Variants in CIAO2A observed in about 807,000 individuals in gnomAD.
The protein encoded by CIAO2A is MIP18 family protein FAM96A.
In CIAO2A, 17 loss-of-function variants were observed where a neutral mutation model predicts 22.4. That is an observed-to-expected ratio of 0.76 (90% confidence interval 0.52 to 1.14). The LOEUF (loss-of-function observed/expected upper bound fraction) is 1.14. Ranked by LOEUF, CIAO2A falls within the 50% of genes most tolerant of loss-of-function variation. The pLI, the probability that CIAO2A is intolerant of heterozygous loss-of-function variation, is 0.00. For missense variants in CIAO2A, 192 were observed against 191.4 expected (o/e 1.00, Z -0.02); for synonymous variants, 74 against 72.3 (o/e 1.02, Z -0.12).
Position 64,093,770 on chromosome 15 carries a change from T to C in CIAO2A, c.-2A>G, listed in dbSNP as rs111678513. The stretch of plus-strand genomic sequence containing the variant: ...GAGCAGCCCGGACACCCGCTGCATC[T>C]TCACGCTCAGCCATCCCTGGCGACT... On this transcript the variant is annotated 5_prime_UTR_variant, in exon 1 of 5. Transcript: ENST00000300030. The C allele has an allele frequency of 3.4e-4, 549 of 1,609,758 alleles. No homozygotes were observed. The highest frequency in any genetic ancestry group is 4.2e-4 in the Non-Finnish European group (493 of 1,176,550).
intron 4 of CIAO2A, 79 bp from the exon 5 acceptor site, chr15:64,073,107 G>T: frequency 1.1e-6 from 1 of 923,304 alleles, no homozygotes; most frequent in Non-Finnish European, 1.7e-6. Context: ...TTAGCCTGCT[G>T]AAACAAAAAC....
chr15:64,089,533 G>A lies in CIAO2A; in HGVS notation c.125-682C>T, dbSNP rs556519235. On this transcript the variant is annotated intron_variant, in intron 1 of 4. Transcript: ENST00000300030. ...TCTCAAAAAAAAAAAAAAAGTGAAG[G>A]AAAGTAAAGTAAAGAAGAAGAACCC... Among the ~76,000 whole-genome samples the A allele has an allele frequency of 2.0e-5, 3 of 151,924 alleles. No individual in the cohort carries two copies. In the East Asian group the frequency reaches 5.8e-4, roughly 29 times the overall value.
intron 3 of CIAO2A, 118 bp downstream of exon 3, chr15:64,080,984 G>A (rs2080755165): frequency 4.3e-6 from 4 of 937,704 alleles, no homozygotes; most frequent in Non-Finnish European, 6.3e-6. Flanking sequence ...CTGAGTAACA[G>A]ACAAGCAAAA....
At chr15:64,081,754 G>T (rs2140109774) in intron 2 of CIAO2A, among the ~76,000 whole-genome samples, 1 of 151,954 alleles carries the variant, frequency 6.6e-6, no homozygotes, top group Non-Finnish European at 1.5e-5. Flanking sequence ...GGCCAGGCTG[G>T]TCTCAAACTC....
intron 2 of CIAO2A, among the ~76,000 whole-genome samples, chr15:64,085,277 G>A (rs552882271): frequency 1.2e-4 from 19 of 152,252 alleles, no homozygotes; most frequent in African/African-American, 4.3e-4. Context: ...GCTCATGCCT[G>A]TAATCCCAGC....
chr15:64,073,222 A>T (rs2080688266), intron 4 of CIAO2A, among the ~76,000 whole-genome samples, 194 bp from the exon 5 acceptor site: 1 of 152,200 alleles, frequency 6.6e-6, no homozygotes, highest in Admixed American at 6.5e-5. Flanking sequence ...GAATTCTACT[A>T]CTTAACCACA....
At chr15:64,088,541 T>C (rs1255203878) in intron 2 of CIAO2A, 146 bp downstream of exon 2, 1 of 581,266 alleles carries the variant, frequency 1.7e-6, no homozygotes, top group African/African-American at 1.9e-5. Flanking sequence ...AGAAGATGAA[T>C]ACACGAACAT....
At chr15:64,075,281 A>C (rs2080708467) in intron 4 of CIAO2A, 1 of 454,896 alleles carries the variant, frequency 2.2e-6, no homozygotes, top group Non-Finnish European at 3.9e-6. Flanking sequence ...AAACCAGTCA[A>C]CATCCGTGGG....
In CIAO2A at chr15:64,075,480, A is replaced by G. The variant is rs1451394597; in HGVS notation, c.385+12T>C. 1.3e-6 allele frequency: 2 copies of G among 1,535,136 alleles called. No individual in the cohort carries two copies. Among genetic ancestry groups the G allele is most frequent in the East Asian group, 2.3e-5 (1 of 42,972 alleles). On this transcript the variant is annotated intron_variant, in intron 4 of 4. Transcript: ENST00000300030. ...GAAGTTGTTTTTCAATTATGTTTCA[A>G]CATTCACTTACTGTCTTCTTCTGTT... is the stretch of plus-strand genomic sequence containing the variant.
At chr15:64,087,793 C>A (rs1349196522) in intron 2 of CIAO2A, among the ~76,000 whole-genome samples, 3 of 152,164 alleles carry the variant, frequency 2.0e-5, no homozygotes, top group Non-Finnish European at 4.4e-5. Flanking sequence ...CCCTCCCACC[C>A]TTTCCCCCAT....
intron 2 of CIAO2A, among the ~76,000 whole-genome samples, chr15:64,085,310 G>C (rs935987630): frequency 6.6e-6 from 1 of 152,124 alleles, no homozygotes; most frequent in Admixed American, 6.5e-5. Flanking sequence ...TGAGGCATGA[G>C]CCCAGGAATT....
At chr15:64,081,623 C>T (rs4776828) in intron 2 of CIAO2A, among the ~76,000 whole-genome samples, 84,953 of 149,500 alleles carry the variant, frequency 0.57, 27,724 homozygotes, top group East Asian at 0.81. Flanking sequence ...CTGCAACCTC[C>T]GCCTCTCGGT....
intron 2 of CIAO2A, among the ~76,000 whole-genome samples, chr15:64,087,084 C>CTTTT (rs766247330): frequency 2.8e-4 from 21 of 76,050 alleles, no homozygotes; most frequent in East Asian, 4.6e-4. Flanking sequence ...GCTAATTTTG[C>CTTTT]TTTTTTTTTT....
At chr15:64,090,572 G>A (rs530913142) in intron 1 of CIAO2A, among the ~76,000 whole-genome samples, 4 of 152,164 alleles carry the variant, frequency 2.6e-5, no homozygotes, top group Non-Finnish European at 5.9e-5. Flanking sequence ...AACTAGAGGA[G>A]GGAAGAGAGG....
intron 2 of CIAO2A, 46 bp from the exon 3 acceptor site, chr15:64,081,197 T>C: frequency 6.3e-7 from 1 of 1,576,710 alleles, no homozygotes; most frequent in Non-Finnish European, 8.7e-7. Context: ...TATTGCTTCT[T>C]ATTGGTTCTT....
chr15:64,087,123 G>C (rs76086371), intron 2 of CIAO2A, among the ~76,000 whole-genome samples: 1 of 117,930 alleles, frequency 8.5e-6, no homozygotes, highest in African/African-American at 3.1e-5. Flanking sequence ...TAAGAGTCTC[G>C]CTCTGATGCC....
intron 3 of CIAO2A, among the ~76,000 whole-genome samples, chr15:64,078,854 G>A (rs888788767): frequency 9.2e-5 from 14 of 151,914 alleles, no homozygotes; most frequent in African/African-American, 3.4e-4. Flanking sequence ...GAACAGCTTG[G>A]GCAACATAGT....
At chr15:64,087,519 A>G (rs1384224906) in intron 2 of CIAO2A, among the ~76,000 whole-genome samples, 1 of 151,966 alleles carries the variant, frequency 6.6e-6, no homozygotes, top group African/African-American at 2.4e-5. Context: ...GTGAGCCACC[A>G]CGCCCGGTCA....
At chr15:64,085,657 G>A (rs1477714280) in intron 2 of CIAO2A, among the ~76,000 whole-genome samples, 5 of 152,020 alleles carry the variant, frequency 3.3e-5, no homozygotes, top group African/African-American at 4.8e-5. Flanking sequence ...GTAACTTGCC[G>A]AAGCCCACAA....
Sources: gnomAD v4.1 joint callset for allele counts (sites outside exome capture counted in the v4.1 genomes callset) on GRCh38, gnomAD v4.1.1 for gene constraint, MANE v1.5 for transcripts, NCBI Gene and HGNC (gene_info 2026-07-23, HGNC 2026-07-21) for gene names.